RDX: variants seen among roughly 807,000 people sequenced by gnomAD.
RDX encodes deafness, autosomal recessive 24.
RDX carries 32 observed loss-of-function variants against 83.7 expected under a neutral mutation model. The observed-to-expected ratio is 0.38, with a 90% confidence interval of 0.29 to 0.51. The LOEUF is 0.51. Ranked by LOEUF, RDX falls within the 20% of genes least tolerant of loss-of-function variation. RDX has a pLI of 0.87. For synonymous variants in RDX, 229 were observed against 222.7 expected (o/e 1.03, Z -0.25); for missense variants, 600 against 689.9 (o/e 0.87, Z 1.46).
At chr11:110,224,951 C>A (rs1429110478), downstream of RDX, among the ~76,000 whole-genome samples, 2 of 152,150 alleles carry the variant, frequency 1.3e-5, no homozygotes, top group East Asian at 3.8e-4. Context: ...TGTAGCTGTG[C>A]CTTCCCAAAG....
In RDX at chr11:110,230,095, C is replaced by A. The variant is rs1864564600; in HGVS notation, c.*1774G>T. The A allele has an allele frequency of 6.6e-6, 1 of 152,306 alleles. No individual in the cohort carries two copies. Among genetic ancestry groups the A allele is most frequent in the South Asian group, 2.1e-4 (1 of 4,804 alleles). The allele number at this position is 152,306 out of a possible 1,614,324, so 9.4% of individuals were successfully genotyped here. ...ACCTTTCTTTTACATAATGTCTGCCCAGATTAATCCTTTTAAAGTCAGCAA... is the reference window on the plus strand; with the variant it reads ...ACCTTTCTTTTACATAATGTCTGCCAAGATTAATCCTTTTAAAGTCAGCAA... On this transcript the variant is annotated 3_prime_UTR_variant, in exon 14 of 14. Transcript: ENST00000645495.
chr11:110,283,374 G>A (rs978776651), intron 1 of RDX, among the ~76,000 whole-genome samples: 4 of 151,996 alleles, frequency 2.6e-5, no homozygotes, highest in African/African-American at 4.8e-5. Flanking sequence ...GGCTGGTCTC[G>A]AACTCTTGAC....
chr11:110,186,923 T>C (rs1024056798), intron 15 of RDX, among the ~76,000 whole-genome samples: 7 of 152,202 alleles, frequency 4.6e-5, no homozygotes, highest in Admixed American at 2.6e-4. Context: ...GCATTTGCTC[T>C]GGAGCAGGGT....
intron 15 of RDX, among the ~76,000 whole-genome samples, chr11:110,178,814 A>T (rs934660457): frequency 2.6e-5 from 4 of 152,184 alleles, no homozygotes; most frequent in African/African-American, 4.8e-5. Context: ...TTTACAGATT[A>T]TAAAGAGGGA....
intron 15 of RDX, among the ~76,000 whole-genome samples, chr11:110,184,216 C>T (rs1454382263): frequency 6.6e-6 from 1 of 152,198 alleles, no homozygotes; most frequent in Admixed American, 6.5e-5. Context: ...CCAAATCTTC[C>T]CTTTGCTATC....
rs36018441 is a variant in RDX at position 110,275,782 on chromosome 11, C to CTTT, written c.13-3166_13-3164dup. 4.8e-4 allele frequency among the ~76,000 whole-genome samples: 56 copies of CTTT among 117,282 alleles called. 2 individuals are homozygous for CTTT. The highest frequency in any genetic ancestry group is 1.1e-3 in the African/African-American group (33 of 31,020). The allele number at this position is 117,282 out of a possible 152,430, so 76.9% of individuals were successfully genotyped here. ...ACACAGATACCAGTTTTTTACCATC[C>CTTT]TTTTTTTTTTTTTTTTTTTTGAGAA... On this transcript the variant is annotated intron_variant, in intron 2 of 13. Coordinates refer to ENST00000645495, the MANE Select transcript of RDX (RefSeq NM_002906.4).
chr11:110,238,276 T>C (rs549342432), intron 10 of RDX, among the ~76,000 whole-genome samples: 12 of 152,318 alleles, frequency 7.9e-5, no homozygotes, highest in Admixed American at 3.9e-4. Context: ...AGATAAGCAA[T>C]ATTGGGAGAT....
rs550123410 is a variant in RDX, at chr11:110,293,893, G to C, written c.-65+2574C>G. 7.9e-5 allele frequency among the ~76,000 whole-genome samples: 12 copies of C among 152,242 alleles called. No individual in the cohort carries two copies. The South Asian group carries it at 2.5e-3, about 32-fold the overall frequency. On this transcript the variant is annotated intron_variant, in intron 1 of 13. Coordinates refer to ENST00000645495, the MANE Select transcript of RDX (RefSeq NM_002906.4). ...CTACAGGAAATATTGGTTAAAATTTGACCCCGTTTTTAAACATTAGTAGCA... is the reference window on the plus strand; with the variant it reads ...CTACAGGAAATATTGGTTAAAATTTCACCCCGTTTTTAAACATTAGTAGCA...
chr11:110,233,110 C>T (rs1479171272), intron 13 of RDX, 127 bp downstream of exon 13: 51 of 1,145,384 alleles, frequency 4.5e-5, no homozygotes, highest in Non-Finnish European at 6.0e-5. Flanking sequence ...ATAGGCCAAA[C>T]ACCCACAAAC....
At chr11:110,280,601 C>T (rs1860721195) in intron 1 of RDX, among the ~76,000 whole-genome samples, 2 of 152,206 alleles carry the variant, frequency 1.3e-5, no homozygotes, top group South Asian at 4.1e-4. Context: ...ATATGAATAG[C>T]TTATTCACCC....
At chr11:110,194,986 TTTTGTTTTG>T (rs1863173357) in intron 15 of RDX, among the ~76,000 whole-genome samples, 1 of 151,968 alleles carries the variant, frequency 6.6e-6, no homozygotes, top group Non-Finnish European at 1.5e-5. Flanking sequence ...TTTTGTTTTG[TTTTGTTTTG>T]TTTTGTTTTG....
intron 1 of RDX, among the ~76,000 whole-genome samples, 191 bp downstream of exon 1, chr11:110,296,276 G>A (rs942392074): frequency 6.6e-6 from 1 of 152,050 alleles, no homozygotes; most frequent in Non-Finnish European, 1.5e-5. Flanking sequence ...ACCAGCCCCG[G>A]GAGGAGCCTG....
chr11:110,294,265 CACGCCTGTAGTCCCAGCT>C (rs1220888293), intron 1 of RDX, among the ~76,000 whole-genome samples: 1 of 152,200 alleles, frequency 6.6e-6, no homozygotes, highest in Non-Finnish European at 1.5e-5. Context: ...CATGGTGGCG[CACGCCTGTAGTCCCAGCT>C]ACTCGGGTGG....
intron 14 of RDX, among the ~76,000 whole-genome samples, chr11:110,223,679 A>C (rs1043715930): frequency 6.6e-5 from 10 of 152,228 alleles, no homozygotes; most frequent in Non-Finnish European, 1.2e-4. Context: ...AGAAACAATC[A>C]AAAGTAAGAA....
At position 110,230,388 on chromosome 11, in the gene RDX, T is replaced by C. The variant is rs1483829364; in HGVS notation, c.*1481A>G. The C allele has an allele frequency of 6.6e-6, 1 of 152,248 alleles. No homozygotes were observed. The highest frequency in any genetic ancestry group is 1.9e-4 in the East Asian group (1 of 5,192). The allele number at this position is 152,248 out of a possible 1,614,324, so 9.4% of individuals were successfully genotyped here. A position where few individuals can be genotyped will look rare whatever the true frequency, so the allele number is the denominator to read the frequency against. ...CAGTAAGCTATAACCGAAATTAATA[T>C]AAACTAAAATTATAATTTCTAAAAT... On this transcript the variant is annotated 3_prime_UTR_variant, in exon 14 of 14. Transcript: ENST00000645495.
intron 14 of RDX, among the ~76,000 whole-genome samples, chr11:110,209,457 C>T (rs1244676545): frequency 1.3e-5 from 2 of 152,204 alleles, no homozygotes; most frequent in Non-Finnish European, 2.9e-5. Context: ...AACAAAGCAG[C>T]CGGGAAGCTC....
Position 110,230,193 on chromosome 11 carries a change from G to A in RDX, c.*1676C>T, listed in dbSNP as rs1431072231. 2.6e-5 allele frequency: 4 copies of A among 152,004 alleles called. No individual in the cohort carries two copies. Among genetic ancestry groups the A allele is most frequent in the Non-Finnish European group, 4.4e-5 (3 of 67,960 alleles). The allele number at this position is 152,004 out of a possible 1,614,324, so 9.4% of individuals were successfully genotyped here. ...GTGCATGAAAATGTTTAATAAAATG[G>A]CAATTTTAATAGATAAATGTAAATT... On this transcript the variant is annotated 3_prime_UTR_variant, in exon 14 of 14. Coordinates refer to ENST00000645495, the MANE Select transcript of RDX (RefSeq NM_002906.4).
chr11:110,237,616 T>A lies in RDX; in HGVS notation c.1127A>T (p.Asp376Val). The A allele has an allele frequency of 1.2e-6, 2 of 1,614,206 alleles. No individual in the cohort carries two copies. The highest frequency in any genetic ancestry group is 1.7e-6 in the Non-Finnish European group (2 of 1,180,036). The part of the protein sequence containing the change: ...EEQTRKALEL[D>V]QERKRAKEEA... ...TTCTTTTGCTCGTTTTCGTTCTTGA[T>A]CCAGTTCTAGAGCTTTTCGAGTCTG... is the stretch of plus-strand genomic sequence containing the variant. Residue 376 changes from aspartate (D) to valine (V), a missense_variant, in exon 11 of 14, where the codon GAT becomes GTT. Asp to Val is a radical substitution (Grantham distance 152, BLOSUM62 -3). Coordinates refer to ENST00000645495, the MANE Select transcript of RDX (RefSeq NM_002906.4).
chr11:110,236,048 C>G (rs780441498), intron 12 of RDX, 51 bp downstream of exon 12: 26 of 1,283,180 alleles, frequency 2.0e-5, no homozygotes, highest in African/African-American at 4.4e-5. Context: ...TCAGCATAAT[C>G]CTGGGTATAA....
Sources: gnomAD v4.1 joint callset for allele counts (sites outside exome capture counted in the v4.1 genomes callset) on GRCh38, gnomAD v4.1.1 for gene constraint, MANE v1.5 for transcripts, NCBI Gene and HGNC (gene_info 2026-07-23, HGNC 2026-07-21) for gene names.